ZFHX3: variants seen among roughly 807,000 people sequenced by gnomAD.
The protein encoded by ZFHX3 is zinc finger homeobox 3, also known as zinc finger homeobox protein 3.
ZFHX3 carries 42 observed loss-of-function variants against 279.1 expected under a neutral mutation model. The ratio of observed to expected loss-of-function variants is 0.15; its 90% confidence interval spans 0.12 to 0.19. The LOEUF is 0.19. Ranked by LOEUF, ZFHX3 falls within the 10% of genes least tolerant of loss-of-function variation. The pLI, the probability that ZFHX3 is intolerant of heterozygous loss-of-function variation, is 1.00. For synonymous variants in ZFHX3, 2,293 were observed against 1,957.8 expected, an observed-to-expected ratio of 1.17 and a Z score of -4.52; for missense variants, 4,981 against 4,754.0, an observed-to-expected ratio of 1.05 and a Z score of -1.40.
intron 4 of ZFHX3, among the ~76,000 whole-genome samples, chr16:72,840,888 C>T (rs2037329402): frequency 6.6e-6 from 1 of 152,216 alleles, no homozygotes; most frequent in African/African-American, 2.4e-5. Flanking sequence ...CTTACACTTT[C>T]CAAACCAAAT....
At chr16:73,352,814 T>C (rs2016271975) in intron 3 of ZFHX3, among the ~76,000 whole-genome samples, 1 of 152,260 alleles carries the variant, frequency 6.6e-6, no homozygotes, top group Non-Finnish European at 1.5e-5. Context: ...ACAGCCTTCC[T>C]GAAGCTTTTC....
At chr16:73,176,432 C>T (rs1230023757) in intron 5 of ZFHX3, among the ~76,000 whole-genome samples, 3 of 152,134 alleles carry the variant, frequency 2.0e-5, no homozygotes, top group Non-Finnish European at 4.4e-5. Context: ...TATCACCTCC[C>T]TTTATGTGAG....
chr16:73,489,243 G>A (rs1306172105), intron 2 of ZFHX3, among the ~76,000 whole-genome samples: 1 of 152,166 alleles, frequency 6.6e-6, no homozygotes, highest in African/African-American at 2.4e-5. Flanking sequence ...GCATTCTAAT[G>A]TATTCCTGAT....
chr16:73,633,048 T>C (rs1485290807), intron 2 of ZFHX3, among the ~76,000 whole-genome samples: 1 of 152,192 alleles, frequency 6.6e-6, no homozygotes, highest in Non-Finnish European at 1.5e-5. Flanking sequence ...CACTGCACTC[T>C]AGGCTGGACA....
At chr16:73,393,606 C>T (rs574118119) in intron 3 of ZFHX3, among the ~76,000 whole-genome samples, 3 of 152,136 alleles carry the variant, frequency 2.0e-5, no homozygotes, top group African/African-American at 4.8e-5. Flanking sequence ...TTCCTTCTCA[C>T]GTGAATCTTC....
chr16:72,948,293 T>C lies in ZFHX3; in HGVS notation c.3216+2176A>G, dbSNP rs140459770. Among the ~76,000 whole-genome samples the C allele has an allele frequency of 8.5e-5, 13 of 152,202 alleles. No homozygotes were observed. The South Asian group carries it at 1.4e-3, about 17-fold the overall frequency. ...GCCAGATGCACCATTTCAGGATCTC[T>C]CCTTCAGGTGCTGGGTCCACGTTCT... is the stretch of plus-strand genomic sequence containing the variant. On this transcript the variant is annotated intron_variant, in intron 3 of 9. Coordinates refer to ENST00000268489, the MANE Select transcript of ZFHX3 (RefSeq NM_006885.4).
chr16:73,689,831 TG>T (rs2053130088), intron 1 of ZFHX3, among the ~76,000 whole-genome samples: 21 of 151,134 alleles, frequency 1.4e-4, no homozygotes, highest in African/African-American at 3.9e-4. Flanking sequence ...TTTTTGTTGT[TG>T]TTGTTTTTTT....
At chr16:73,201,305 C>T (rs1273148056) in intron 5 of ZFHX3, among the ~76,000 whole-genome samples, 1 of 152,184 alleles carries the variant, frequency 6.6e-6, no homozygotes. Context: ...CAGAGGAAAA[C>T]AGAACCAAAG....
chr16:73,172,980 A>T (rs1325685019), intron 5 of ZFHX3, among the ~76,000 whole-genome samples: 91 of 22,626 alleles, frequency 4.0e-3, no homozygotes, highest in East Asian at 6.4e-3. Context: ...CTGTTTCCTG[A>T]TGGGACTGTT....
intron 1 of ZFHX3, among the ~76,000 whole-genome samples, chr16:73,769,013 C>A (rs992665528): frequency 2.6e-5 from 4 of 152,030 alleles, no homozygotes; most frequent in South Asian, 4.2e-4. Flanking sequence ...ATGCCCCATG[C>A]CATATTTGGG....
chr16:73,276,001 G>A (rs781524658), intron 4 of ZFHX3, among the ~76,000 whole-genome samples: 3 of 151,948 alleles, frequency 2.0e-5, no homozygotes, highest in Non-Finnish European at 4.4e-5. Context: ...GGACAGGGAA[G>A]GATGATATTG....
chr16:73,424,591 A>G (rs2017776785), intron 3 of ZFHX3, among the ~76,000 whole-genome samples: 1 of 151,846 alleles, frequency 6.6e-6, no homozygotes, highest in Non-Finnish European at 1.5e-5. Flanking sequence ...CAAAAAATGA[A>G]AAATTGGTGA....
At position 72,796,403 on chromosome 16, in the gene ZFHX3, C is replaced by G. The variant is rs1241953487; in HGVS notation, c.6279G>C (p.Glu2093Asp). 3.7e-6 allele frequency: 6 copies of G among 1,612,722 alleles called. No individual in the cohort carries two copies. Among genetic ancestry groups the G allele is most frequent in the Non-Finnish European group, 5.1e-6 (6 of 1,179,988 alleles). ...TCATCAGCGGCGAGAAGATGGGCAG[C>G]TCCATCGGCATGGAGAGCTGGGTGA... ...VPLTQLSMPM[E>D]LPIFSPLMMQ... is the part of the protein sequence containing the mutation. Residue 2093 changes from glutamate to aspartate, a missense_variant, in exon 9 of 10, where the codon GAG becomes GAC. Around this residue, in one of 7 missense-constraint regions of ZFHX3, gnomAD observed 1,751 missense variants for 1,770.0 expected, o/e 0.99. Transcript: ENST00000268489.
At chr16:73,720,544 C>G (rs1302789460) in intron 1 of ZFHX3, among the ~76,000 whole-genome samples, 2 of 152,076 alleles carry the variant, frequency 1.3e-5, no homozygotes, top group Non-Finnish European at 2.9e-5. Context: ...GGAAAATATA[C>G]TATAATGTTG....
intron 2 of ZFHX3, among the ~76,000 whole-genome samples, chr16:73,485,299 T>A (rs2018953235): frequency 6.6e-6 from 1 of 151,912 alleles, no homozygotes; most frequent in Admixed American, 6.6e-5. Context: ...AATGTCCAAA[T>A]CCCATTTCAG....
chr16:73,789,554 C>A (rs1391588710), intron 1 of ZFHX3, among the ~76,000 whole-genome samples: 1 of 152,112 alleles, frequency 6.6e-6, no homozygotes, highest in Non-Finnish European at 1.5e-5. Context: ...ACACTGATGT[C>A]TGGAATAAAA....
chr16:73,555,239 G>A (rs6564311), intron 2 of ZFHX3, among the ~76,000 whole-genome samples: 36,002 of 151,734 alleles, frequency 0.24, 7,220 homozygotes, highest in African/African-American at 0.55. Context: ...ACTGCAACCT[G>A]TGCCTCCCGG....
At chr16:73,312,233 A>C (rs1451298278) in intron 4 of ZFHX3, among the ~76,000 whole-genome samples, 2 of 152,166 alleles carry the variant, frequency 1.3e-5, no homozygotes, top group Non-Finnish European at 2.9e-5. Flanking sequence ...GACGACAAGA[A>C]CACTTAGGAG....
chr16:73,166,370 A>C (rs1323644227), intron 5 of ZFHX3, among the ~76,000 whole-genome samples: 1 of 152,246 alleles, frequency 6.6e-6, no homozygotes, highest in Non-Finnish European at 1.5e-5. Context: ...TCAAGAAGGA[A>C]GCTGGGAACA....
Sources: gnomAD v4.1 joint callset for allele counts (sites outside exome capture counted in the v4.1 genomes callset) on GRCh38, gnomAD v4.1.1 for gene constraint, gnomAD v4.1.1 regional missense constraint, MANE v1.5 for transcripts, NCBI Gene and HGNC (gene_info 2026-07-23, HGNC 2026-07-21) for gene names.